Variants in CYGB observed in about 807,000 individuals in gnomAD.
The protein encoded by CYGB is cytoglobin.
In CYGB, 13 loss-of-function variants were observed where a neutral mutation model predicts 20.7. The observed-to-expected ratio is 0.63, with a 90% CI of 0.41 to 1.00. The LOEUF (loss-of-function observed/expected upper bound fraction) is 1.00. Ranked by LOEUF, CYGB falls within the 50% of genes least tolerant of loss-of-function variation. CYGB has a pLI of 0.00. For synonymous variants in CYGB, 93 were observed against 107.4 expected (o/e 0.87, Z 0.83); for missense variants, 218 against 257.2 (o/e 0.85, Z 1.04).
At position 76,537,624 on chromosome 17, in the gene CYGB, C is replaced by A; in HGVS notation, c.-82G>T. The A allele has an allele frequency of 1.0e-6, 1 of 981,970 alleles. No homozygotes were observed. The highest frequency in any genetic ancestry group is 1.2e-6 in the Non-Finnish European group (1 of 828,658). The allele number at this position is 981,970 out of a possible 1,614,324, so 60.8% of individuals were successfully genotyped here. A position where few individuals can be genotyped will look rare whatever the true frequency, so the allele number is the denominator to read the frequency against. ...GCGCGGGGCGCGGGGCGCCGGGAGC[C>A]GGGGCCGGCTGCGTGCGCGGCGGGC... On this transcript the variant is annotated 5_prime_UTR_variant, in exon 1 of 4. Transcript: ENST00000293230.
upstream of CYGB, chr17:76,540,258 G>GC (rs765737108): frequency 3.0e-5 from 33 of 1,100,862 alleles, 2 homozygotes; most frequent in East Asian, 5.8e-4. This position sits in a 1 kb window ranked among gnomAD's most constrained non-coding sequence, Gnocchi z 5.0. Context: ...GGTCGGGGGG[G>GC]GGGGGCATGG....
intron 1 of CYGB, chr17:76,544,796 C>T (rs1380335146): frequency 6.6e-6 from 3 of 456,830 alleles, no homozygotes; most frequent in South Asian, 1.5e-5. Context: ...CTGCCATTTC[C>T]GAGTTGCTCA....
exon 1 of CYGB, chr17:76,551,154 T>C (rs1222668013): frequency 6.6e-6 from 1 of 152,096 alleles, no homozygotes; most frequent in Non-Finnish European, 1.5e-5. Flanking sequence ...AGGAAGTATT[T>C]AAGTACAAGC....
chr17:76,547,953 TACAC>T (rs201737890), intron 1 of CYGB, among the ~76,000 whole-genome samples: 3 of 149,342 alleles, frequency 2.0e-5, no homozygotes, highest in Non-Finnish European at 3.0e-5. Flanking sequence ...CACACACATA[TACAC>T]ACACATACAC....
chr17:76,534,996 A>C (rs1363831617), intron 1 of CYGB, among the ~76,000 whole-genome samples: 2 of 152,240 alleles, frequency 1.3e-5, no homozygotes, highest in African/African-American at 4.8e-5. Context: ...CAGCTCCCAG[A>C]GGCATCTGGG....
At chr17:76,549,558 A>G (rs1034569531) in intron 1 of CYGB, among the ~76,000 whole-genome samples, 2 of 152,238 alleles carry the variant, frequency 1.3e-5, no homozygotes, top group South Asian at 2.1e-4. Flanking sequence ...GGAAACCAGC[A>G]TGGTGGTTCC....
chr17:76,545,300 T>C lies in CYGB; in HGVS notation c.-53+5562A>G, dbSNP rs185494982. The C allele has an allele frequency of 3.7e-3, 1,680 of 456,736 alleles. 11 individuals carry two copies. The highest frequency in any genetic ancestry group is 4.6e-3 in the Non-Finnish European group (1,055 of 226,956). The allele number at this position is 456,736 out of a possible 1,614,324, so 28.3% of individuals were successfully genotyped here. On this transcript the variant is annotated intron_variant, in intron 1 of 3. Transcript: ENST00000589145. ...CCCTTCCTTGGCCCACTGGCTCCCATCACAGGGCTTAGTGTGAAGCTCAGG... is the reference window on the plus strand; with the variant it reads ...CCCTTCCTTGGCCCACTGGCTCCCACCACAGGGCTTAGTGTGAAGCTCAGG...
At chr17:76,536,554 C>T (rs927344640) in intron 1 of CYGB, among the ~76,000 whole-genome samples, 1 of 152,106 alleles carries the variant, frequency 6.6e-6, no homozygotes, top group African/African-American at 2.4e-5. Flanking sequence ...GACTAGCTTT[C>T]GAGACTTGGA....
chr17:76,542,235 TCTGGCCAGGC>T (rs2075000395), upstream of CYGB, among the ~76,000 whole-genome samples: 2 of 152,140 alleles, frequency 1.3e-5, no homozygotes, highest in African/African-American at 4.8e-5. Flanking sequence ...CTGAGGACCA[TCTGGCCAGGC>T]CTGGCCTGGC....
chr17:76,531,157 A>T lies in CYGB; in HGVS notation c.376-15T>A. The T allele has an allele frequency of 6.2e-7, 1 of 1,607,664 alleles. No individual in the cohort carries two copies. The highest frequency in any genetic ancestry group is 8.5e-7 in the Non-Finnish European group (1 of 1,175,652). On this transcript the variant is annotated splice_polypyrimidine_tract_variant and intron_variant, in intron 2 of 3. Transcript: ENST00000293230. The surrounding 1 kb of genome is among the most constrained non-coding windows in gnomAD (Gnocchi z 7.4). ...CCAGAGAGGATCTGGGGGCAAAGGG[A>T]GGAAGGGGGAGTGAACGCCCGGGCG...
chr17:76,549,943 GTTT>G (rs950657503), intron 1 of CYGB: 1 of 152,004 alleles, frequency 6.6e-6, no homozygotes, highest in Non-Finnish European at 1.5e-5. Flanking sequence ...GAAGGTTTTT[GTTT>G]TTTTGTTTGT....
rs868619063 is a variant in CYGB, at chr17:76,547,662, C to T, written c.-53+3200G>A. 2.2e-3 allele frequency among the ~76,000 whole-genome samples: 292 copies of T among 133,782 alleles called. 1 individual carries two copies. The highest frequency in any genetic ancestry group is 3.0e-3 in the Non-Finnish European group (184 of 60,762). 87.8% of individuals were successfully genotyped at this position (133,782 alleles called of 152,430 possible). A position where few individuals can be genotyped will look rare whatever the true frequency, so the allele number is the denominator to read the frequency against. On this transcript the variant is annotated intron_variant, in intron 1 of 3. Transcript: ENST00000589145. ...ACACATTCACACACACACACACACA[C>T]ATATTCACACACAGAGACACCCACA...
intron 3 of CYGB, chr17:76,529,517 C>T (rs941627064): frequency 7.1e-6 from 7 of 985,442 alleles, no homozygotes; most frequent in African/African-American, 5.2e-5. Context: ...CTGGGGCTCG[C>T]GCCCAGCCAG....
intron 3 of CYGB, chr17:76,529,531 T>C (rs1021725587): frequency 5.1e-6 from 5 of 985,330 alleles, no homozygotes; most frequent in Admixed American, 6.1e-5. Flanking sequence ...CAGCCAGCTC[T>C]CTTTCCAGTC....
rs1264729329 is a variant in CYGB, at chr17:76,546,669, T to G, written c.-53+4193A>C. 6.6e-6 allele frequency: 1 copy of G among 152,168 alleles called. No individual in the cohort carries two copies. Among genetic ancestry groups the G allele is most frequent in the Non-Finnish European group, 1.5e-5 (1 of 68,020 alleles). The allele number at this position is 152,168 out of a possible 1,614,324, so 9.4% of individuals were successfully genotyped here. A position where few individuals can be genotyped will look rare whatever the true frequency, so the allele number is the denominator to read the frequency against. ...CCTAGAGCTAGAGGAAGATAATGCT[T>G]CTTTGTGAACCTCAGAAGAACAGTT... On this transcript the variant is annotated intron_variant, in intron 1 of 3. Transcript: ENST00000589145. This position sits in a 1 kb window ranked among gnomAD's most constrained non-coding sequence, Gnocchi z 4.5.
chr17:76,545,047 A>G lies in CYGB; in HGVS notation c.-53+5815T>C, dbSNP rs4232870. 0.54 allele frequency: 240,946 copies of G among 443,206 alleles called. 69,629 individuals carry two copies. The highest frequency in any genetic ancestry group is 0.73 in the East Asian group (10,371 of 14,128). The allele number at this position is 443,206 out of a possible 1,614,324, so 27.5% of individuals were successfully genotyped here. A position where few individuals can be genotyped will look rare whatever the true frequency, so the allele number is the denominator to read the frequency against. ...AGGTTGCCTGGGCAGCTGGGGTGCCATGTGGGCCGGGTGGGGGGGCTGTCT... is the reference window on the plus strand; with the variant it reads ...AGGTTGCCTGGGCAGCTGGGGTGCCGTGTGGGCCGGGTGGGGGGGCTGTCT... On this transcript the variant is annotated intron_variant, in intron 1 of 3. Coordinates refer to the CYGB transcript ENST00000589145.
chr17:76,539,921 G>A, upstream of CYGB: 1 of 603,374 alleles, frequency 1.7e-6, no homozygotes, highest in Non-Finnish European at 3.0e-6. Context: ...TGCATGCCTT[G>A]ACCCTACCGC....
chr17:76,540,285 A>G, upstream of CYGB: 1 of 1,467,886 alleles, frequency 6.8e-7, no homozygotes, highest in Non-Finnish European at 9.3e-7. The surrounding 1 kb of genome is among the most constrained non-coding windows in gnomAD (Gnocchi z 5.0). Flanking sequence ...GCTGCCACCA[A>G]GCTGAAGGTG....
Position 76,531,399 on chromosome 17 carries a change from G to T in CYGB, c.375+61C>A. ...TCCAGAGAGCCGTCGCAGAGCCTGC[G>T]AGCTGCAGATGGCCATGACGCGTGG... On this transcript the variant is annotated intron_variant, in intron 2 of 3. Transcript: ENST00000293230. The surrounding 1 kb of genome is among the most constrained non-coding windows in gnomAD (Gnocchi z 7.4). The T allele has an allele frequency of 6.4e-7, 1 of 1,557,106 alleles. No individual in the cohort carries two copies. The highest frequency in any genetic ancestry group is 1.2e-5 in the South Asian group (1 of 86,346).
Sources: allele counts gnomAD v4.1 joint callset (sites outside exome capture counted in the v4.1 genomes callset), GRCh38; gene constraint gnomAD v4.1.1; non-coding constraint Gnocchi (gnomAD v3.1); transcripts MANE v1.5; gene names NCBI Gene and HGNC (gene_info 2026-07-23, HGNC 2026-07-21).